Variants in MSRB3 observed in about 807,000 individuals in gnomAD.
The protein encoded by MSRB3 is methionine sulfoxide reductase B3, also known as methionine-R-sulfoxide reductase B3.
Under a neutral mutation model 21.0 loss-of-function variants are expected in MSRB3, and 13 were observed. The observed-to-expected ratio is 0.62, with a 90% CI of 0.40 to 0.98. The LOEUF (loss-of-function observed/expected upper bound fraction) is 0.98, where lower values mean the gene tolerates loss of function less well. Among genes scored for constraint, MSRB3 ranks in the 50% least tolerant of loss-of-function variants. MSRB3 has a pLI of 0.00. For missense variants in MSRB3, 199 were observed against 230.3 expected (o/e 0.86, Z 0.88); for synonymous variants, 87 against 88.6 (o/e 0.98, Z 0.10).
At position 65,340,761 on chromosome 12, in the gene MSRB3, G is replaced by A. The variant is rs945831525; in HGVS notation, c.263+12158G>A. 4.6e-5 allele frequency among the ~76,000 whole-genome samples: 7 copies of A among 151,990 alleles called. No individual in the cohort carries two copies. The South Asian group carries it at 1.5e-3, about 32-fold the overall frequency. ...AATGAGAATAAGATAAAACCACAGA[G>A]ATGGAAAAAACTATTTTAACGTAAG... is the stretch of plus-strand genomic sequence containing the variant. On this transcript the variant is annotated intron_variant, in intron 4 of 6. Transcript: ENST00000308259.
Position 65,449,037 on chromosome 12 carries a change from T to G in MSRB3, c.293-4691T>G, listed in dbSNP as rs1882740440. On this transcript the variant is annotated intron_variant, in intron 5 of 6. Coordinates refer to ENST00000308259, the MANE Select transcript of MSRB3 (RefSeq NM_001031679.3). ...AGCATCAGTTAAGTGAATATTTTAT[T>G]TTATTTTTTGAGACGGAGTCTTGCT... Among the ~76,000 whole-genome samples, 4 of 152,246 alleles carry G rather than the reference T, an allele frequency of 2.6e-5. No individual in the cohort carries two copies. In the South Asian group the frequency reaches 8.3e-4, roughly 32 times the overall value.
At position 65,464,502 on chromosome 12, in the gene MSRB3, GAGCCCCACTTGGTCT is replaced by G. The variant is rs1375543185; in HGVS notation, c.*1182_*1196del. On this transcript the variant is annotated 3_prime_UTR_variant, in exon 7 of 7. Transcript: ENST00000308259. Reference sequence around the variant, plus strand: ...AAATGTAAGACAACTGTAAAATATTGAGCCCCACTTGGTCTAAAATTCAAAAAGAAGAACGCCTGT... The same window carrying G: ...AAATGTAAGACAACTGTAAAATATTGAAAATTCAAAAAGAAGAACGCCTGT... 1.3e-5 allele frequency: 2 copies of G among 152,194 alleles called. No homozygotes were observed. Among genetic ancestry groups the G allele is most frequent in the South Asian group, 2.1e-4 (1 of 4,822 alleles). 9.4% of individuals were successfully genotyped at this position (152,194 alleles called of 1,614,324 possible). A position where few individuals can be genotyped will look rare whatever the true frequency, so the allele number is the denominator to read the frequency against.
chr12:65,321,675 G>A (rs1382029457), intron 2 of MSRB3, among the ~76,000 whole-genome samples: 1 of 151,976 alleles, frequency 6.6e-6, no homozygotes, highest in Non-Finnish European at 1.5e-5. Context: ...GATAGTTATG[G>A]TATATATTTT....
chr12:65,339,539 T>C (rs537088110), intron 4 of MSRB3, among the ~76,000 whole-genome samples: 1 of 152,240 alleles, frequency 6.6e-6, no homozygotes, highest in Non-Finnish European at 1.5e-5. Context: ...TGGGAAGAGA[T>C]GTTTGGTAAC....
intron 4 of MSRB3, among the ~76,000 whole-genome samples, chr12:65,351,884 A>G (rs1288637427): frequency 1.3e-5 from 2 of 152,192 alleles, no homozygotes; most frequent in Non-Finnish European, 2.9e-5. Flanking sequence ...TATCAGAGGT[A>G]CAAGGAGGAA....
intron 5 of MSRB3, chr12:65,419,985 G>C (rs529546123): frequency 1.8e-6 from 1 of 571,424 alleles, no homozygotes; most frequent in Non-Finnish European, 3.5e-6. Flanking sequence ...GGATGGGTAG[G>C]TAGTTGGTGG....
At chr12:65,319,195 T>A (rs1874503878) in intron 2 of MSRB3, among the ~76,000 whole-genome samples, 2 of 152,154 alleles carry the variant, frequency 1.3e-5, no homozygotes, top group South Asian at 4.1e-4. Flanking sequence ...ACTTCTCAGT[T>A]CCCCAATTTC....
intron 5 of MSRB3, among the ~76,000 whole-genome samples, chr12:65,371,573 A>ATGTG (rs149808439): frequency 0.065 from 9,627 of 147,796 alleles, 636 homozygotes; most frequent in African/African-American, 0.17. Context: ...GTTAAATTTT[A>ATGTG]TGTGTGTGTG....
intron 4 of MSRB3, among the ~76,000 whole-genome samples, chr12:65,335,269 T>C (rs1875689163): frequency 6.6e-6 from 1 of 152,150 alleles, no homozygotes; most frequent in Admixed American, 6.5e-5. Flanking sequence ...ATCCTTACAA[T>C]GTGAGAAAGT....
chr12:65,404,076 CT>C (rs1480821084), intron 5 of MSRB3, among the ~76,000 whole-genome samples: 1 of 152,172 alleles, frequency 6.6e-6, no homozygotes, highest in Non-Finnish European at 1.5e-5. Flanking sequence ...ACCTCTTTTT[CT>C]TTTTTAGAGA....
At position 65,463,437 on chromosome 12, in the gene MSRB3, A is replaced by G; in HGVS notation, c.*115A>G. On this transcript the variant is annotated 3_prime_UTR_variant, in exon 7 of 7. Transcript: ENST00000308259. ...AAAACTATAAGGGCAGTTTTGTGCT[A>G]TTGATATTTTTTCTTCTTTTGCTTA... 2 of 1,304,638 alleles carry G rather than the reference A, an allele frequency of 1.5e-6. No homozygotes were observed. Among genetic ancestry groups the G allele is most frequent in the Admixed American group, 4.8e-5 (2 of 41,780 alleles). The allele number at this position is 1,304,638 out of a possible 1,614,324, so 80.8% of individuals were successfully genotyped here. A position where few individuals can be genotyped will look rare whatever the true frequency, so the allele number is the denominator to read the frequency against.
chr12:65,405,486 T>C (rs1049547978), intron 5 of MSRB3, among the ~76,000 whole-genome samples: 5 of 151,976 alleles, frequency 3.3e-5, no homozygotes, highest in South Asian at 2.1e-4. Flanking sequence ...CAGTCATTCA[T>C]TGAAAGAGAA....
rs193101321 is a variant in MSRB3 at position 65,407,840 on chromosome 12, C to T, written c.292+38814C>T. Among the ~76,000 whole-genome samples the T allele has an allele frequency of 9.2e-4, 140 of 152,122 alleles. 1 individual carries two copies. Among genetic ancestry groups the T allele is most frequent in the Non-Finnish European group, 1.3e-3 (88 of 68,016 alleles). ...CAGTTGTGTCTAGTCTGTTGATGAG[C>T]GCATAAAAAGGACTCTTCATTTTTG... On this transcript the variant is annotated intron_variant, in intron 5 of 6. Transcript: ENST00000308259.
intron 5 of MSRB3, among the ~76,000 whole-genome samples, chr12:65,435,792 T>A (rs1221037123): frequency 6.6e-6 from 1 of 151,886 alleles, no homozygotes; most frequent in African/African-American, 2.4e-5. Context: ...AAAGTAGCAA[T>A]AAAAGATAAG....
At chr12:65,387,973 A>G (rs1200206003) in intron 5 of MSRB3, among the ~76,000 whole-genome samples, 1 of 152,196 alleles carries the variant, frequency 6.6e-6, no homozygotes, top group Non-Finnish European at 1.5e-5. Context: ...AAATATGATG[A>G]AAGTGTTTTT....
At chr12:65,295,695 G>T (rs188178845) in intron 1 of MSRB3, among the ~76,000 whole-genome samples, 29 of 152,120 alleles carry the variant, frequency 1.9e-4, no homozygotes, top group Middle Eastern at 3.4e-3. Context: ...TTACAAAGAA[G>T]CATAATTGGG....
At chr12:65,382,737 A>AT (rs1183394547) in intron 5 of MSRB3, among the ~76,000 whole-genome samples, 2 of 151,502 alleles carry the variant, frequency 1.3e-5, no homozygotes, top group African/African-American at 2.4e-5. Context: ...TAATATATTT[A>AT]TTTTTTCTAG....
At chr12:65,278,966 C>T in intron 1 of MSRB3, 101 bp downstream of exon 1, 1 of 1,506,062 alleles carries the variant, frequency 6.6e-7, no homozygotes, top group Non-Finnish European at 8.9e-7. Flanking sequence ...CATTCTGCGC[C>T]TGCTGCGCCC....
chr12:65,386,043 C>T (rs2136567492), intron 5 of MSRB3, among the ~76,000 whole-genome samples: 1 of 151,894 alleles, frequency 6.6e-6, no homozygotes, highest in South Asian at 2.1e-4. Context: ...CCCATTATGC[C>T]TCTACTTACT....
Sources: allele counts gnomAD v4.1 joint callset (sites outside exome capture counted in the v4.1 genomes callset), GRCh38; gene constraint gnomAD v4.1.1; transcripts MANE v1.5; gene names NCBI Gene and HGNC (gene_info 2026-07-23, HGNC 2026-07-21).